The following IHO1 variants were observed in gnomAD, a reference collection of about 807,000 sequenced individuals.
IHO1 encodes the protein interactor of HORMAD1 1.
IHO1 carries 13 observed loss-of-function variants against 31.0 expected under a neutral mutation model. That is an observed-to-expected ratio of 0.42 (90% CI 0.27 to 0.67). The LOEUF is 0.67. Among genes scored for constraint, IHO1 ranks in the 30% least tolerant of loss-of-function variants. IHO1 has a pLI of 0.24. For synonymous variants in IHO1, 221 were observed against 248.4 expected (o/e 0.89, Z 1.04); for missense variants, 599 against 687.5 (o/e 0.87, Z 1.44).
the IHO1 span, chr3:49,191,907 T>C: frequency 4.1e-5 from 34 of 823,124 alleles, no homozygotes; most frequent in Middle Eastern, 4.6e-4. Context: ...ATGCTGCTGC[T>C]GTTTGTTGAG....
intron 1 of IHO1, among the ~76,000 whole-genome samples, chr3:49,205,081 C>T (rs1200893788): frequency 2.0e-5 from 3 of 151,476 alleles, no homozygotes; most frequent in Non-Finnish European, 2.9e-5. Context: ...GTCCCAAAAG[C>T]GGCTGGTTGG....
chr3:49,210,199 A>G (rs1011493210), intron 1 of IHO1, among the ~76,000 whole-genome samples: 1 of 150,786 alleles, frequency 6.6e-6, no homozygotes, highest in Non-Finnish European at 1.5e-5. Flanking sequence ...TAGCTTGTTT[A>G]TTTATTTAAA....
intron 6 of IHO1, among the ~76,000 whole-genome samples, chr3:49,247,413 C>T (rs572418646): frequency 6.7e-6 from 1 of 149,234 alleles, no homozygotes; most frequent in African/African-American, 2.5e-5. Context: ...TGTATTTTTA[C>T]TAGAGACAAG....
At chr3:49,210,006 G>A (rs2046187675) in intron 1 of IHO1, among the ~76,000 whole-genome samples, 1 of 150,556 alleles carries the variant, frequency 6.6e-6, no homozygotes, top group African/African-American at 2.4e-5. Flanking sequence ...ATGAGCCACC[G>A]CACCCAGCCT....
chr3:49,194,571 G>T (rs6794918), upstream of IHO1, among the ~76,000 whole-genome samples: 1 of 146,292 alleles, frequency 6.8e-6, no homozygotes, highest in East Asian at 2.2e-4. Context: ...GATTACAGGC[G>T]TGAGCCACCG....
intron 1 of IHO1, chr3:49,200,436 G>A (rs1575560462): frequency 6.1e-6 from 2 of 325,542 alleles, no homozygotes; most frequent in East Asian, 2.0e-4. Context: ...CTGCACTCCA[G>A]CCTGGGCGAC....
At chr3:49,233,156 C>T (rs890921295) in intron 2 of IHO1, among the ~76,000 whole-genome samples, 5 of 152,288 alleles carry the variant, frequency 3.3e-5, no homozygotes, top group African/African-American at 7.2e-5. Context: ...CAGCGTGCCA[C>T]GGCCACACTA....
chr3:49,235,969 G>C, intron 2 of IHO1, among the ~76,000 whole-genome samples: 1 of 147,626 alleles, frequency 6.8e-6, no homozygotes, highest in Middle Eastern at 4.0e-3. Context: ...GGCCCTGCAC[G>C]GTGGCTCACA....
intron 2 of IHO1, among the ~76,000 whole-genome samples, chr3:49,219,850 A>G (rs1332397697): frequency 6.6e-6 from 1 of 152,180 alleles, no homozygotes; most frequent in Non-Finnish European, 1.5e-5. Context: ...CTTTCATACT[A>G]ATGATGAGGA....
At chr3:49,245,095 C>T in intron 6 of IHO1, 1 of 481,504 alleles carries the variant, frequency 2.1e-6, no homozygotes, top group Non-Finnish European at 3.7e-6. Flanking sequence ...ACTGACTGCC[C>T]CCTTAGGAGT....
chr3:49,221,129 G>A (rs753742748), intron 2 of IHO1, among the ~76,000 whole-genome samples: 2 of 152,148 alleles, frequency 1.3e-5, no homozygotes, highest in African/African-American at 4.8e-5. Flanking sequence ...TAGACACAGA[G>A]TGCTGACTGG....
chr3:49,191,617 G>A, the IHO1 span: 105 of 1,002,420 alleles, frequency 1.0e-4, no homozygotes, highest in Non-Finnish European at 1.4e-4. Context: ...GAGGAAGTGG[G>A]CGGCTCAGGG....
intron 2 of IHO1, among the ~76,000 whole-genome samples, chr3:49,217,960 C>T (rs1044004039): frequency 1.3e-5 from 2 of 152,194 alleles, no homozygotes; most frequent in Non-Finnish European, 2.9e-5. Context: ...TGCTGAAGTC[C>T]AAGGGGAGTG....
At chr3:49,244,312 G>A in intron 4 of IHO1, 92 bp from the exon 5 acceptor site, 2 of 809,632 alleles carry the variant, frequency 2.5e-6, no homozygotes, top group East Asian at 2.5e-5. Context: ...GCTATGCTAG[G>A]TAGAGATCTG....
intron 6 of IHO1, 142 bp from the exon 7 acceptor site, chr3:49,255,248 A>T (rs914101279): frequency 9.2e-5 from 50 of 543,472 alleles, no homozygotes; most frequent in African/African-American, 9.1e-4. Context: ...CTTGTCAAGG[A>T]GGGAGGGAAG....
At position 49,256,924 on chromosome 3, in the gene IHO1, A is replaced by C; in HGVS notation, c.1427A>C (p.Gln476Pro). ...ACCTGTAAATTCAATTCCAAATATC[A>C]GAGTCCTCAGCCTGCAATTTCTGTC... Reference protein sequence around the residue: ...IQTCKFNSKYQSPQPAISVPQ... With the variant: ...IQTCKFNSKYPSPQPAISVPQ... Residue 476 changes from glutamine (Q) to proline (P), a missense_variant, in exon 8 of 8, where the codon CAG becomes CCG. Transcript: ENST00000452691. This position sits in a 1 kb window ranked among gnomAD's most constrained non-coding sequence, Gnocchi z 4.6. The C allele has an allele frequency of 6.2e-7, 1 of 1,614,218 alleles. No individual in the cohort carries two copies. Among genetic ancestry groups the C allele is most frequent in the Non-Finnish European group, 8.5e-7 (1 of 1,180,038 alleles).
intron 2 of IHO1, among the ~76,000 whole-genome samples, chr3:49,219,251 G>A (rs1388338359): frequency 6.6e-6 from 1 of 152,168 alleles, no homozygotes; most frequent in Non-Finnish European, 1.5e-5. Flanking sequence ...CCACGCTGAA[G>A]GTGGTGGGTT....
intron 2 of IHO1, among the ~76,000 whole-genome samples, chr3:49,235,929 CA>C (rs35209519): frequency 7.9e-4 from 90 of 114,186 alleles, no homozygotes; most frequent in Admixed American, 1.1e-3. Flanking sequence ...GACTCTGTCT[CA>C]AAAAAAAAAA....
intron 2 of IHO1, among the ~76,000 whole-genome samples, chr3:49,216,995 G>A (rs560102297): frequency 1.3e-5 from 2 of 152,348 alleles, no homozygotes; most frequent in Admixed American, 1.3e-4. Context: ...AACAACAGAT[G>A]CTGGAGAGGA....
Sources: allele counts gnomAD v4.1 joint callset (sites outside exome capture counted in the v4.1 genomes callset), GRCh38; gene constraint gnomAD v4.1.1; non-coding constraint Gnocchi (gnomAD v3.1); transcripts MANE v1.5; gene names NCBI Gene and HGNC (gene_info 2026-07-23, HGNC 2026-07-21).